The following FAM193A variants were observed in gnomAD, a reference collection of about 807,000 sequenced individuals.
FAM193A encodes family with sequence similarity 193 member A.
FAM193A carries 22 observed loss-of-function variants against 126.5 expected under a neutral mutation model. That is an observed-to-expected ratio of 0.17 (90% CI 0.12 to 0.25). The LOEUF is 0.25. FAM193A is among the 10% of genes least tolerant of loss of function. FAM193A has a pLI of 1.00. For missense variants in FAM193A, 1,675 were observed against 1,672.8 expected (o/e 1.00, Z -0.02); for synonymous variants, 761 against 646.8 (o/e 1.18, Z -2.68).
intron 13 of FAM193A, among the ~76,000 whole-genome samples, chr4:2,683,731 G>A (rs1443777893): frequency 6.6e-6 from 1 of 152,196 alleles, no homozygotes; most frequent in Non-Finnish European, 1.5e-5. Flanking sequence ...AGACTTTTTA[G>A]CTATTACTAC....
intron 6 of FAM193A, among the ~76,000 whole-genome samples, chr4:2,640,796 C>G (rs1470156210): frequency 2.0e-5 from 3 of 151,986 alleles, no homozygotes; most frequent in African/African-American, 7.2e-5. Flanking sequence ...AAAACCCCGT[C>G]TCTACTAAAA....
intron 6 of FAM193A, among the ~76,000 whole-genome samples, chr4:2,644,857 T>G (rs1410313348): frequency 6.6e-6 from 1 of 152,198 alleles, no homozygotes; most frequent in African/African-American, 2.4e-5. Flanking sequence ...TCATTACAAA[T>G]AAAATTATGA....
At chr4:2,691,243 TCA>T (rs1168515041) in intron 15 of FAM193A, among the ~76,000 whole-genome samples, 3 of 152,352 alleles carry the variant, frequency 2.0e-5, no homozygotes, top group East Asian at 3.9e-4. Flanking sequence ...AGTTAGGGTC[TCA>T]CTCTTGTTCG....
chr4:2,567,148 C>T (rs527975307), intron 1 of FAM193A, among the ~76,000 whole-genome samples: 2 of 150,908 alleles, frequency 1.3e-5, no homozygotes, highest in South Asian at 2.1e-4. Flanking sequence ...CGGAGTTGCA[C>T]CTTGTTAGCC....
At chr4:2,551,926 G>C (rs752421620) in intron 1 of FAM193A, among the ~76,000 whole-genome samples, 4 of 151,066 alleles carry the variant, frequency 2.6e-5, no homozygotes, top group Non-Finnish European at 5.9e-5. Flanking sequence ...CTGTAACCTT[G>C]AACTCCTGGA....
intron 7 of FAM193A, among the ~76,000 whole-genome samples, 167 bp from the exon 8 acceptor site, chr4:2,657,632 TAAAG>T (rs1049044894): frequency 1.2e-4 from 18 of 152,234 alleles, no homozygotes; most frequent in Admixed American, 3.3e-4. Context: ...TTGAGTAAAA[TAAAG>T]AAATACCTGT....
intron 2 of FAM193A, among the ~76,000 whole-genome samples, chr4:2,605,663 C>A (rs1741490838): frequency 6.6e-6 from 1 of 152,078 alleles, no homozygotes; most frequent in Non-Finnish European, 1.5e-5. Context: ...AACTATTTTC[C>A]AAAAACAAGA....
chr4:2,643,174 C>T (rs148697106), intron 6 of FAM193A, among the ~76,000 whole-genome samples: 9 of 152,276 alleles, frequency 5.9e-5, no homozygotes, highest in African/African-American at 1.4e-4. Flanking sequence ...CGCCAGGACA[C>T]GCCATGCCTT....
intron 19 of FAM193A, among the ~76,000 whole-genome samples, chr4:2,713,920 T>G (rs1056459921): frequency 5.3e-5 from 8 of 152,208 alleles, no homozygotes; most frequent in Admixed American, 5.2e-4. Context: ...ATAGTGTGGT[T>G]GTTGTAAAAA....
chr4:2,575,465 A>T (rs866978162), intron 1 of FAM193A, among the ~76,000 whole-genome samples: 19 of 135,360 alleles, frequency 1.4e-4, no homozygotes, highest in African/African-American at 5.0e-4. Flanking sequence ...AGATACTGGG[A>T]TTTTTTTTTT....
At chr4:2,560,331 A>C (rs1173179100) in intron 1 of FAM193A, among the ~76,000 whole-genome samples, 1 of 152,134 alleles carries the variant, frequency 6.6e-6, no homozygotes, top group Non-Finnish European at 1.5e-5. Flanking sequence ...CCCCATGGGA[A>C]GCATTTCTTC....
intron 1 of FAM193A, among the ~76,000 whole-genome samples, chr4:2,586,428 GT>G (rs954809591): frequency 2.1e-4 from 31 of 150,474 alleles, no homozygotes; most frequent in South Asian, 1.1e-3. Context: ...TAGGGGCCCA[GT>G]TTTTTTTTCC....
chr4:2,667,380 ATCTG>A (rs1713242363), intron 12 of FAM193A, among the ~76,000 whole-genome samples: 1 of 152,208 alleles, frequency 6.6e-6, no homozygotes. Context: ...CTTACTGATT[ATCTG>A]TCTGGTGGTT....
chr4:2,599,904 T>G (rs1741096782), intron 2 of FAM193A, among the ~76,000 whole-genome samples: 1 of 143,800 alleles, frequency 7.0e-6, no homozygotes, highest in Non-Finnish European at 1.5e-5. Context: ...CCTGGCTAAT[T>G]TTTTTTTTTT....
At chr4:2,549,149 T>C (rs1490845190) in intron 1 of FAM193A, among the ~76,000 whole-genome samples, 8 of 151,636 alleles carry the variant, frequency 5.3e-5, no homozygotes, top group Non-Finnish European at 1.2e-4. Flanking sequence ...ATGTTGGCCA[T>C]GCTCGTCTTG....
At chr4:2,695,627 T>C (rs568786533) in intron 17 of FAM193A, among the ~76,000 whole-genome samples, 2 of 152,332 alleles carry the variant, frequency 1.3e-5, no homozygotes, top group Non-Finnish European at 2.9e-5. Context: ...TCTGTTTGCA[T>C]TTCCTAAAAT....
intron 1 of FAM193A, 131 bp from the exon 2 acceptor site, chr4:2,595,953 T>C (rs1358037976): frequency 6.8e-6 from 4 of 588,230 alleles, no homozygotes; most frequent in Non-Finnish European, 1.2e-5. Flanking sequence ...TTTTATTCAA[T>C]ACATTTCCTA....
intron 13 of FAM193A, among the ~76,000 whole-genome samples, chr4:2,678,575 C>G (rs1186193141): frequency 6.6e-6 from 1 of 151,800 alleles, no homozygotes; most frequent in Middle Eastern, 3.2e-3. Context: ...GTTGGCCAGG[C>G]TGGTCTCGAA....
intron 2 of FAM193A, among the ~76,000 whole-genome samples, chr4:2,617,699 C>T (rs775362234): frequency 6.6e-6 from 1 of 152,170 alleles, no homozygotes; most frequent in Non-Finnish European, 1.5e-5. Flanking sequence ...TACCACTTCA[C>T]ATGTAGTGTA....
Sources: allele counts gnomAD v4.1 joint callset (sites outside exome capture counted in the v4.1 genomes callset), GRCh38; gene constraint gnomAD v4.1.1; transcripts MANE v1.5; gene names NCBI Gene and HGNC (gene_info 2026-07-23, HGNC 2026-07-21).